The following ERLEC1 variants were observed in gnomAD, a reference collection of about 807,000 sequenced individuals.
The protein encoded by ERLEC1 is ER lectin.
A neutral mutation model predicts 68.0 loss-of-function variants in ERLEC1; 47 were observed. The ratio of observed to expected loss-of-function variants is 0.69; its 90% CI spans 0.55 to 0.88. ERLEC1 has a LOEUF of 0.88. Ranked by LOEUF, ERLEC1 falls within the 40% of genes least tolerant of loss-of-function variation. The pLI is 0.00. For synonymous variants in ERLEC1, 225 were observed against 203.2 expected (o/e 1.11, Z -0.91); for missense variants, 567 against 583.8 (o/e 0.97, Z 0.30).
intron 3 of ERLEC1, among the ~76,000 whole-genome samples, chr2:53,797,191 G>A (rs1035616895): frequency 2.6e-5 from 4 of 152,014 alleles, no homozygotes; most frequent in Admixed American, 6.6e-5. Context: ...CAGTACACCC[G>A]GCCGAGTATA....
intron 8 of ERLEC1, 116 bp from the exon 9 acceptor site, chr2:53,808,183 A>T (rs1676399558): frequency 9.2e-7 from 1 of 1,082,774 alleles, no homozygotes. Flanking sequence ...ATTAAAAGCA[A>T]GTGGACAATT....
Position 53,818,600 on chromosome 2 carries a change from C to A in ERLEC1, c.*631C>A, listed in dbSNP as rs1677021511. Reference sequence around the variant, plus strand: ...CAGAACTTTTATCTATTACTTTTTTCTTCTTATGAGTATGTTTACTCTCAG... The same window carrying A: ...CAGAACTTTTATCTATTACTTTTTTATTCTTATGAGTATGTTTACTCTCAG... On this transcript the variant is annotated 3_prime_UTR_variant, in exon 14 of 14. Transcript: ENST00000185150. 6.6e-6 allele frequency: 1 copy of A among 152,078 alleles called. No individual in the cohort carries two copies. Among genetic ancestry groups the A allele is most frequent in the Non-Finnish European group, 1.5e-5 (1 of 68,016 alleles). 9.4% of individuals were successfully genotyped at this position (152,078 alleles called of 1,614,324 possible). A position where few individuals can be genotyped will look rare whatever the true frequency, so the allele number is the denominator to read the frequency against.
At chr2:53,813,150 T>G in intron 11 of ERLEC1, 77 bp downstream of exon 11, 1 of 1,532,450 alleles carries the variant, frequency 6.5e-7, no homozygotes, top group Admixed American at 2.2e-5. Flanking sequence ...AACATAAAAA[T>G]TCAAACATTT....
At chr2:53,797,165 G>A (rs1675757233) in intron 3 of ERLEC1, among the ~76,000 whole-genome samples, 1 of 152,106 alleles carries the variant, frequency 6.6e-6, no homozygotes, top group South Asian at 2.1e-4. Flanking sequence ...AAAGTGCTGG[G>A]ATTACAGGCG....
At chr2:53,792,687 T>C (rs916749695) in intron 1 of ERLEC1, among the ~76,000 whole-genome samples, 2 of 152,208 alleles carry the variant, frequency 1.3e-5, no homozygotes. Flanking sequence ...TGTTTAGGAT[T>C]ACAGTGGTGC....
Position 53,818,216 on chromosome 2 carries a change from A to G in ERLEC1, c.*247A>G, listed in dbSNP as rs908931182. On this transcript the variant is annotated 3_prime_UTR_variant, in exon 14 of 14. Coordinates refer to ENST00000185150, the MANE Select transcript of ERLEC1 (RefSeq NM_015701.5). ...AAACTGACTGTTTTTCTTTGCTTGGATACTGTGATTCCAAAATAAATCTCA... is the reference window on the plus strand; with the variant it reads ...AAACTGACTGTTTTTCTTTGCTTGGGTACTGTGATTCCAAAATAAATCTCA... The G allele has an allele frequency of 1.7e-5, 5 of 301,692 alleles. No homozygotes were observed. Among genetic ancestry groups the G allele is most frequent in the African/African-American group, 6.4e-5 (3 of 47,150 alleles). The allele number at this position is 301,692 out of a possible 1,614,324, so 18.7% of individuals were successfully genotyped here.
At chr2:53,816,237 T>G (rs1414979877) in intron 13 of ERLEC1, among the ~76,000 whole-genome samples, 2 of 150,746 alleles carry the variant, frequency 1.3e-5, no homozygotes, top group Non-Finnish European at 3.0e-5. Context: ...TGCACCACCG[T>G]GCCTGGCTGA....
intron 8 of ERLEC1, among the ~76,000 whole-genome samples, 197 bp from the exon 9 acceptor site, chr2:53,808,102 A>T (rs923198365): frequency 6.6e-6 from 1 of 152,116 alleles, no homozygotes; most frequent in Non-Finnish European, 1.5e-5. Flanking sequence ...GTCGTAACTG[A>T]TAGATGGAAC....
intron 11 of ERLEC1, among the ~76,000 whole-genome samples, chr2:53,813,741 C>G (rs1676713284): frequency 6.6e-6 from 1 of 151,708 alleles, no homozygotes; most frequent in Non-Finnish European, 1.5e-5. Context: ...TCAGAGTGTA[C>G]TGACTTTTCG....
At chr2:53,796,084 G>A (rs535658843) in intron 3 of ERLEC1, 71 bp downstream of exon 3, 155 of 1,051,040 alleles carry the variant, frequency 1.5e-4, no homozygotes, top group Non-Finnish European at 2.0e-4. Flanking sequence ...TGAAAATACC[G>A]TTTCTTCTTT....
intron 3 of ERLEC1, among the ~76,000 whole-genome samples, chr2:53,796,982 G>T (rs1393900449): frequency 6.9e-6 from 1 of 145,562 alleles, no homozygotes; most frequent in Non-Finnish European, 1.5e-5. Context: ...ACCTCCGCCT[G>T]CCAGGTTCAA....
intron 5 of ERLEC1, 57 bp from the exon 6 acceptor site, chr2:53,798,990 T>C: frequency 6.7e-7 from 1 of 1,489,100 alleles, no homozygotes. Flanking sequence ...GAAAACTTAC[T>C]CATTTGTACC....
intron 4 of ERLEC1, 48 bp downstream of exon 4, chr2:53,797,640 C>CT (rs1399115970): frequency 6.4e-7 from 1 of 1,570,942 alleles, no homozygotes; most frequent in African/African-American, 1.4e-5. Context: ...AAGATGAGAA[C>CT]TTTAATAATG....
chr2:53,791,114 AGAATAGAAGT>A (rs1274372633), intron 1 of ERLEC1, among the ~76,000 whole-genome samples: 1 of 152,238 alleles, frequency 6.6e-6, no homozygotes, highest in Non-Finnish European at 1.5e-5. Context: ...AGCCTCTACC[AGAATAGAAGT>A]TCTCTCATCC....
chr2:53,806,945 C>A (rs1419897638), intron 8 of ERLEC1, among the ~76,000 whole-genome samples: 1 of 152,146 alleles, frequency 6.6e-6, no homozygotes, highest in African/African-American at 2.4e-5. Flanking sequence ...ACATCCAACC[C>A]TGTCACTCCC....
At chr2:53,789,746 C>T (rs531794958) in intron 1 of ERLEC1, among the ~76,000 whole-genome samples, 1 of 152,184 alleles carries the variant, frequency 6.6e-6, no homozygotes, top group South Asian at 2.1e-4. Flanking sequence ...TGGCTGGGCA[C>T]AGTGGCTGAC....
chr2:53,814,995 C>CTTTTTTTTTTTTTTTTTTTTTT (rs777632156), intron 13 of ERLEC1, 60 bp downstream of exon 13: 146 of 470,064 alleles, frequency 3.1e-4, no homozygotes, highest in East Asian at 1.1e-3. Flanking sequence ...ATTTTTTTTT[C>CTTTTTTTTTTTTTTTTTTTTTT]TTTTTTTTTT....
intron 12 of ERLEC1, 61 bp downstream of exon 12, chr2:53,814,681 A>C (rs1378696255): frequency 8.1e-7 from 1 of 1,239,458 alleles, no homozygotes; most frequent in African/African-American, 1.5e-5. Context: ...CCTATGGACA[A>C]AAGTTTTATG....
intron 6 of ERLEC1, 141 bp downstream of exon 6, chr2:53,799,222 CT>C: frequency 1.5e-6 from 1 of 678,492 alleles, no homozygotes; most frequent in Non-Finnish European, 2.5e-6. Context: ...GTCAAAGAAT[CT>C]TTGCAGTATA....
Sources: gnomAD v4.1 joint callset for allele counts (sites outside exome capture counted in the v4.1 genomes callset) on GRCh38, gnomAD v4.1.1 for gene constraint, MANE v1.5 for transcripts, NCBI Gene and HGNC (gene_info 2026-07-23, HGNC 2026-07-21) for gene names.